Variants in CNTNAP4 observed in about 807,000 individuals in gnomAD.
The protein encoded by CNTNAP4 is contactin associated protein family member 4.
A neutral mutation model predicts 148.4 loss-of-function variants in CNTNAP4; 98 were observed. The ratio of observed to expected loss-of-function variants is 0.66; its 90% CI spans 0.56 to 0.78. The LOEUF is 0.78. Ranked by LOEUF, CNTNAP4 falls within the 30% of genes least tolerant of loss-of-function variation. The probability of loss-of-function intolerance (pLI) is 0.00; values close to 1 mark genes in which losing one functional copy is unlikely to be tolerated. For missense variants in CNTNAP4, 1,935 were observed against 1,565.6 expected, an observed-to-expected ratio of 1.24 and a Z score of -3.98; for synonymous variants, 730 against 565.1, an observed-to-expected ratio of 1.29 and a Z score of -4.14.
intron 3 of CNTNAP4, among the ~76,000 whole-genome samples, chr16:76,424,771 C>CA (rs1165434550): frequency 6.6e-6 from 1 of 151,552 alleles, no homozygotes; most frequent in Admixed American, 6.6e-5. Flanking sequence ...AAAACAAAAA[C>CA]AAAAACAAAA....
chr16:76,391,432 T>C (rs940121270), intron 3 of CNTNAP4, among the ~76,000 whole-genome samples: 3 of 152,246 alleles, frequency 2.0e-5, no homozygotes, highest in Admixed American at 2.0e-4. Context: ...TTTTGGAATG[T>C]TCCAAAGCAT....
intron 1 of CNTNAP4, among the ~76,000 whole-genome samples, chr16:76,296,896 G>C (rs576953256): frequency 6.6e-6 from 1 of 152,222 alleles, no homozygotes; most frequent in South Asian, 2.1e-4. Context: ...AATCTTATGA[G>C]ATTTAAAAAT....
intron 21 of CNTNAP4, among the ~76,000 whole-genome samples, chr16:76,549,566 C>T (rs1050972521): frequency 1.3e-5 from 2 of 152,148 alleles, no homozygotes; most frequent in African/African-American, 2.4e-5. Flanking sequence ...CAAAATAAAG[C>T]TATTCAAGGA....
At chr16:76,513,325 T>C (rs1447965115) in intron 15 of CNTNAP4, among the ~76,000 whole-genome samples, 1 of 151,712 alleles carries the variant, frequency 6.6e-6, no homozygotes, top group Non-Finnish European at 1.5e-5. Context: ...GGAGAGGAAG[T>C]GTGAAGTAAT....
chr16:76,476,082 A>G lies in CNTNAP4; in HGVS notation c.1762+37A>G, dbSNP rs144119387. On this transcript the variant is annotated intron_variant, in intron 11 of 23. Transcript: ENST00000611870. ...ACATCTGCTTTTTCTTGCCCCTGTG[A>G]TGGTTTCTTTGTCCCATTTCCCTTT... The G allele has an allele frequency of 2.4e-5, 34 of 1,433,748 alleles. No homozygotes were observed. In the African/African-American group the frequency reaches 4.5e-4, roughly 19 times the overall value. 88.8% of individuals were successfully genotyped at this position (1,433,748 alleles called of 1,614,324 possible).
rs1273018033 is a variant in CNTNAP4 at position 76,277,685 on chromosome 16, T to C, written c.23T>C (p.Val8Ala). The C allele has an allele frequency of 6.2e-7, 1 of 1,605,918 alleles. No homozygotes were observed. The highest frequency in any genetic ancestry group is 1.7e-5 in the Admixed American group (1 of 59,086). Residue 8 changes from valine (V) to alanine (A), a missense_variant, in exon 1 of 24, where the codon GTC (valine) becomes GCC (alanine). Physicochemically the swap from Val to Ala is moderately conservative, Grantham distance 64. Coordinates refer to ENST00000611870, the MANE Select transcript of CNTNAP4 (RefSeq NM_033401.5). MGSVTGA[V>A]LKTLLLLSTQ... ...AACATGGGATCTGTCACGGGAGCTG[T>C]CCTCAAGACGCTACTTCTGTTATCT... is the stretch of plus-strand genomic sequence containing the variant.
intron 3 of CNTNAP4, among the ~76,000 whole-genome samples, chr16:76,424,473 G>C (rs2079306576): frequency 2.0e-5 from 3 of 152,122 alleles, no homozygotes; most frequent in South Asian, 4.1e-4. Context: ...AAGCATACAG[G>C]CTGGGTGCGG....
chr16:76,484,856 A>G (rs1056664340), intron 12 of CNTNAP4, among the ~76,000 whole-genome samples: 2 of 152,224 alleles, frequency 1.3e-5, no homozygotes, highest in African/African-American at 4.8e-5. Flanking sequence ...ATGCTGAATC[A>G]CCAACATGCA....
At chr16:76,367,426 T>C (rs902400692) in intron 3 of CNTNAP4, among the ~76,000 whole-genome samples, 1 of 152,034 alleles carries the variant, frequency 6.6e-6, no homozygotes, top group African/African-American at 2.4e-5. Flanking sequence ...AAAAATTAGA[T>C]AATATATGGA....
intron 2 of CNTNAP4, among the ~76,000 whole-genome samples, chr16:76,344,558 T>C (rs538549666): frequency 4.6e-5 from 7 of 152,320 alleles, no homozygotes; most frequent in African/African-American, 1.7e-4. Context: ...TGGTTGATAC[T>C]GTTTTCTTAG....
intron 3 of CNTNAP4, among the ~76,000 whole-genome samples, chr16:76,410,914 G>A (rs2144914887): frequency 6.6e-6 from 1 of 151,516 alleles, no homozygotes; most frequent in East Asian, 1.9e-4. Flanking sequence ...CCAGTGTCTA[G>A]CTTCTATGAA....
chr16:76,516,776 A>T (rs1026178653), intron 15 of CNTNAP4, among the ~76,000 whole-genome samples: 1 of 152,150 alleles, frequency 6.6e-6, no homozygotes, highest in Non-Finnish European at 1.5e-5. Context: ...TCAAAGAGTA[A>T]TTCTGGGCCA....
chr16:76,459,513 C>G (rs937209585), intron 8 of CNTNAP4, among the ~76,000 whole-genome samples: 2 of 152,140 alleles, frequency 1.3e-5, no homozygotes, highest in Non-Finnish European at 2.9e-5. Flanking sequence ...TTGTGTTAGA[C>G]CATATATGTC....
intron 2 of CNTNAP4, among the ~76,000 whole-genome samples, chr16:76,335,814 A>G (rs1597234192): frequency 2.0e-5 from 3 of 152,106 alleles, no homozygotes; most frequent in African/African-American, 4.8e-5. Context: ...GAAGCACAGG[A>G]GGTAGAGGCA....
intron 4 of CNTNAP4, among the ~76,000 whole-genome samples, chr16:76,445,570 A>G (rs1285310531): frequency 1.3e-5 from 2 of 152,182 alleles, no homozygotes; most frequent in African/African-American, 2.4e-5. Flanking sequence ...TTTAGGCATT[A>G]ATGGTTTTAT....
At chr16:76,471,872 C>G (rs951693163) in intron 10 of CNTNAP4, among the ~76,000 whole-genome samples, 1 of 152,148 alleles carries the variant, frequency 6.6e-6, no homozygotes, top group African/African-American at 2.4e-5. Flanking sequence ...GACCATTATC[C>G]TAGCGCTCAT....
At chr16:76,335,955 A>G (rs560872021) in intron 2 of CNTNAP4, among the ~76,000 whole-genome samples, 1 of 152,220 alleles carries the variant, frequency 6.6e-6, no homozygotes, top group East Asian at 1.9e-4. Flanking sequence ...AGGATTGTTC[A>G]CTGTCCAGGC....
In CNTNAP4 at chr16:76,296,193, AT is replaced by A. The variant is rs1015956598; in HGVS notation, c.85+18450del. Among the ~76,000 whole-genome samples, 7 of 152,188 alleles carry A rather than the reference AT, an allele frequency of 4.6e-5. 1 individual carries two copies. The highest frequency in any genetic ancestry group is 1.0e-4 in the Non-Finnish European group (7 of 68,022). The stretch of plus-strand genomic sequence containing the variant: ...GTTTTCTAACATTATGTATTGTTGC[AT>A]TTTAATGAAATATTTTGCTTTTGGC... On this transcript the variant is annotated intron_variant, in intron 1 of 23. Coordinates refer to ENST00000611870, the MANE Select transcript of CNTNAP4 (RefSeq NM_033401.5).
chr16:76,322,618 C>T (rs1350680341), intron 2 of CNTNAP4, among the ~76,000 whole-genome samples: 5 of 152,222 alleles, frequency 3.3e-5, no homozygotes, highest in South Asian at 2.1e-4. Context: ...TGGTATTGTC[C>T]TTCTGAAAAT....
Sources: allele counts gnomAD v4.1 joint callset (sites outside exome capture counted in the v4.1 genomes callset), GRCh38; gene constraint gnomAD v4.1.1; transcripts MANE v1.5; gene names NCBI Gene and HGNC (gene_info 2026-07-23, HGNC 2026-07-21).